PLEKHM3: variants seen among roughly 807,000 people sequenced by gnomAD.
PLEKHM3 encodes the protein pleckstrin homology domain-containing family M member 3.
PLEKHM3 carries 45 observed loss-of-function variants against 81.8 expected under a neutral mutation model. The observed-to-expected ratio is 0.55, with a 90% CI of 0.43 to 0.71. The LOEUF (loss-of-function observed/expected upper bound fraction) is 0.71, where lower values mean the gene tolerates loss of function less well. Among genes scored for constraint, PLEKHM3 ranks in the 30% least tolerant of loss-of-function variants. The pLI, the probability that PLEKHM3 is intolerant of heterozygous loss-of-function variation, is 0.00. For missense variants in PLEKHM3, 788 were observed against 924.3 expected (o/e 0.85, Z 1.91); for synonymous variants, 352 against 356.4 (o/e 0.99, Z 0.14).
chr2:207,913,244 T>C (rs981313115), intron 5 of PLEKHM3, among the ~76,000 whole-genome samples: 2 of 151,928 alleles, frequency 1.3e-5, no homozygotes, highest in Non-Finnish European at 2.9e-5. Flanking sequence ...AAGTGGGCGA[T>C]TTGTGGGCCC....
At chr2:207,865,776 C>T (rs1574349101) in intron 6 of PLEKHM3, among the ~76,000 whole-genome samples, 3 of 23,446 alleles carry the variant, frequency 1.3e-4, no homozygotes, top group African/African-American at 3.0e-4. Flanking sequence ...ACAAAAACTC[C>T]GACTCAAAAA....
chr2:207,931,040 A>AG lies in PLEKHM3; in HGVS notation c.1771dup (p.Leu591ProfsTer75). 2 of 1,614,124 alleles carry AG rather than the reference A, an allele frequency of 1.2e-6. No individual in the cohort carries two copies. Among genetic ancestry groups the AG allele is most frequent in the Non-Finnish European group, 1.7e-6 (2 of 1,179,966 alleles). On this transcript the variant is annotated frameshift_variant, in exon 5 of 8. Transcript: ENST00000427836. LOFTEE classifies it high-confidence loss of function. ...GGCCAGCGGCTCTGCGTGGTGGTAC[A>AG]GCATGGCGTTCTCCTGCTGGATGTC...
rs57434067 is a variant in PLEKHM3 at position 207,987,730 on chromosome 2, A to G, written c.611-10144T>C. Among the ~76,000 whole-genome samples, 626 of 152,048 alleles carry G rather than the reference A, an allele frequency of 4.1e-3. 4 individuals carry two copies. Among genetic ancestry groups the G allele is most frequent in the African/African-American group, 0.015 (602 of 41,450 alleles). On this transcript the variant is annotated intron_variant, in intron 2 of 7. Coordinates refer to ENST00000427836, the MANE Select transcript of PLEKHM3 (RefSeq NM_001080475.3). ...CATAATAAAGTTCTTATCAATTCCAACCTGGTCCTCCTTCATTCTTTACAC... is the reference window on the plus strand; with the variant it reads ...CATAATAAAGTTCTTATCAATTCCAGCCTGGTCCTCCTTCATTCTTTACAC...
chr2:207,854,717 T>C (rs2092429066), intron 7 of PLEKHM3, among the ~76,000 whole-genome samples: 1 of 152,216 alleles, frequency 6.6e-6, no homozygotes. Context: ...ATATTCCTTC[T>C]GACTCAGACA....
At chr2:207,866,297 AG>A (rs1314820821) in intron 6 of PLEKHM3, among the ~76,000 whole-genome samples, 3 of 152,102 alleles carry the variant, frequency 2.0e-5, no homozygotes, top group African/African-American at 7.2e-5. Flanking sequence ...CTGGGATTAC[AG>A]GCATGAGCCA....
intron 6 of PLEKHM3, among the ~76,000 whole-genome samples, chr2:207,888,042 T>C (rs564567305): frequency 6.6e-6 from 1 of 152,234 alleles, no homozygotes; most frequent in African/African-American, 2.4e-5. Flanking sequence ...GGACAGTTTC[T>C]TCCATCTCTG....
intron 3 of PLEKHM3, among the ~76,000 whole-genome samples, chr2:207,953,013 T>C (rs1450108465): frequency 6.6e-6 from 1 of 152,220 alleles, no homozygotes; most frequent in Non-Finnish European, 1.5e-5. Context: ...ACATTAAACA[T>C]TTGGATGGAG....
At chr2:207,950,677 T>C (rs1248415304) in intron 3 of PLEKHM3, among the ~76,000 whole-genome samples, 7 of 152,182 alleles carry the variant, frequency 4.6e-5, no homozygotes, top group Non-Finnish European at 1.5e-5. Context: ...GCTCTAAAAT[T>C]CTGCTTCTAT....
chr2:207,872,378 G>GT (rs1328094222), intron 6 of PLEKHM3, among the ~76,000 whole-genome samples: 1 of 152,130 alleles, frequency 6.6e-6, no homozygotes, highest in Non-Finnish European at 1.5e-5. Flanking sequence ...AATACCTCTA[G>GT]TCCTTATATG....
At chr2:207,874,556 A>G (rs2092551396) in intron 6 of PLEKHM3, among the ~76,000 whole-genome samples, 1 of 151,762 alleles carries the variant, frequency 6.6e-6, no homozygotes, top group Non-Finnish European at 1.5e-5. Context: ...CCTGGGCAAC[A>G]AGAATGAAAC....
chr2:207,877,530 T>C (rs1439142567), intron 6 of PLEKHM3, among the ~76,000 whole-genome samples: 1 of 152,210 alleles, frequency 6.6e-6, no homozygotes, highest in Non-Finnish European at 1.5e-5. Context: ...AAAAGGATTT[T>C]ACTTCGTTCC....
At chr2:208,004,216 A>G (rs537839025) in intron 1 of PLEKHM3, among the ~76,000 whole-genome samples, 12 of 152,082 alleles carry the variant, frequency 7.9e-5, no homozygotes, top group Admixed American at 2.0e-4. Flanking sequence ...AGAGTTTGAG[A>G]CCAGCCTGGC....
At chr2:207,985,307 T>G (rs1000224074) in intron 2 of PLEKHM3, among the ~76,000 whole-genome samples, 1 of 151,924 alleles carries the variant, frequency 6.6e-6, no homozygotes, top group African/African-American at 2.4e-5. Context: ...AAGGCTTTCT[T>G]CATCCCTTCT....
intron 2 of PLEKHM3, among the ~76,000 whole-genome samples, chr2:207,984,704 T>C (rs1691657721): frequency 6.6e-6 from 1 of 152,230 alleles, no homozygotes; most frequent in Non-Finnish European, 1.5e-5. Context: ...ATACATAGTT[T>C]GTTTGAATGA....
At chr2:207,944,803 C>T (rs1690067772) in intron 4 of PLEKHM3, among the ~76,000 whole-genome samples, 1 of 152,166 alleles carries the variant, frequency 6.6e-6, no homozygotes, top group African/African-American at 2.4e-5. Flanking sequence ...ACTGATTCAA[C>T]CATATCATTC....
chr2:207,840,554 G>C (rs1404080322), intron 7 of PLEKHM3, among the ~76,000 whole-genome samples: 1 of 152,048 alleles, frequency 6.6e-6, no homozygotes, highest in Non-Finnish European at 1.5e-5. Flanking sequence ...TAACTAATAG[G>C]TTAAAATCTA....
chr2:208,001,099 G>T lies in PLEKHM3; in HGVS notation c.541C>A (p.Pro181Thr). ...QQQQQPLLQGPHVTRPSFLLP... is the reference protein window; with the variant it reads ...QQQQQPLLQGTHVTRPSFLLP... ...AGAAAAGATGGCCTGGTGACATGCG[G>T]GCCTTGAAGCAATGGCTGCTGCTGT... The change falls in exon 2 of 8, where the codon CCG (proline) becomes ACG (threonine). Residue 181 changes from proline to threonine, a missense_variant. Coordinates refer to ENST00000427836, the MANE Select transcript of PLEKHM3 (RefSeq NM_001080475.3). 1 of 1,583,404 alleles carries T rather than the reference G, an allele frequency of 6.3e-7. No homozygotes were observed. Among genetic ancestry groups the T allele is most frequent in the Non-Finnish European group, 8.6e-7 (1 of 1,164,636 alleles).
chr2:207,859,136 C>CTTTTTTTT (rs371493664), intron 7 of PLEKHM3, among the ~76,000 whole-genome samples: 55 of 118,332 alleles, frequency 4.6e-4, no homozygotes, highest in Non-Finnish European at 6.6e-4. Context: ...TTTTCTTTTT[C>CTTTTTTTT]TTTTTTTTTT....
intron 6 of PLEKHM3, among the ~76,000 whole-genome samples, chr2:207,888,926 T>C (rs766475857): frequency 2.0e-5 from 3 of 152,176 alleles, no homozygotes; most frequent in Non-Finnish European, 4.4e-5. Flanking sequence ...GGGTACGAAA[T>C]CAAAATGAGT....
Sources: allele counts gnomAD v4.1 joint callset (sites outside exome capture counted in the v4.1 genomes callset), GRCh38; gene constraint gnomAD v4.1.1; transcripts MANE v1.5; gene names NCBI Gene and HGNC (gene_info 2026-07-23, HGNC 2026-07-21).